IMMP2L: variants seen among roughly 807,000 people sequenced by gnomAD.
IMMP2L encodes inner mitochondrial membrane peptidase subunit 2.
A neutral mutation model predicts 19.3 loss-of-function variants in IMMP2L; 18 were observed. The ratio of observed to expected loss-of-function variants is 0.93; its 90% CI spans 0.64 to 1.38. The LOEUF is 1.38. Ranked by LOEUF, IMMP2L falls within the 40% of genes most tolerant of loss-of-function variation. The probability of loss-of-function intolerance (pLI) is 0.00; values close to 1 mark genes in which losing one functional copy is unlikely to be tolerated. For missense variants in IMMP2L, 233 were observed against 218.2 expected, an observed-to-expected ratio of 1.07 and a Z score of -0.43; for synonymous variants, 76 against 73.0, an observed-to-expected ratio of 1.04 and a Z score of -0.21.
intron 3 of IMMP2L, among the ~76,000 whole-genome samples, chr7:111,240,792 G>C (rs988399335): frequency 6.6e-6 from 1 of 151,812 alleles, no homozygotes; most frequent in Admixed American, 6.6e-5. Flanking sequence ...TACTAGTCTG[G>C]TGTCAGAAAA....
At chr7:111,208,994 C>T (rs923164874) in intron 3 of IMMP2L, among the ~76,000 whole-genome samples, 1 of 152,150 alleles carries the variant, frequency 6.6e-6, no homozygotes, top group Non-Finnish European at 1.5e-5. Context: ...GTGCTGCCTC[C>T]ATGTTTATAG....
chr7:111,284,918 T>G (rs931072088), intron 3 of IMMP2L, among the ~76,000 whole-genome samples: 17 of 152,008 alleles, frequency 1.1e-4, no homozygotes, highest in African/African-American at 3.9e-4. Context: ...ACCTAGGAGC[T>G]CAAATCTAAT....
chr7:111,023,349 T>C (rs910143919), intron 3 of IMMP2L, among the ~76,000 whole-genome samples: 1 of 152,124 alleles, frequency 6.6e-6, no homozygotes, highest in Admixed American at 6.6e-5. Flanking sequence ...GGTAAACACA[T>C]AAACAAATCA....
chr7:111,374,397 A>C (rs1830504401), intron 3 of IMMP2L, among the ~76,000 whole-genome samples: 2 of 152,062 alleles, frequency 1.3e-5, no homozygotes, highest in South Asian at 4.1e-4. Flanking sequence ...AACTAAGAAA[A>C]ACCTAATAGA....
At chr7:111,348,181 T>A (rs1352689780) in intron 3 of IMMP2L, among the ~76,000 whole-genome samples, 1 of 150,606 alleles carries the variant, frequency 6.6e-6, no homozygotes, top group East Asian at 2.0e-4. Flanking sequence ...GAGATAGACC[T>A]AATGTAAATG....
At chr7:110,767,300 C>A (rs772613053) in intron 5 of IMMP2L, among the ~76,000 whole-genome samples, 5 of 152,140 alleles carry the variant, frequency 3.3e-5, no homozygotes, top group Non-Finnish European at 7.3e-5. Context: ...AGATTTCATG[C>A]ATGGGAGAAA....
At chr7:111,426,268 T>A (rs1385495131) in intron 3 of IMMP2L, among the ~76,000 whole-genome samples, 1 of 151,342 alleles carries the variant, frequency 6.6e-6, no homozygotes, top group East Asian at 1.9e-4. Context: ...TCTTACATAC[T>A]GATTTTAGAA....
chr7:111,330,855 G>T (rs1825805981), intron 3 of IMMP2L, among the ~76,000 whole-genome samples: 2 of 151,820 alleles, frequency 1.3e-5, no homozygotes, highest in South Asian at 4.1e-4. Flanking sequence ...TTAGAGAAAT[G>T]CAAATTAAAG....
chr7:110,948,618 CTT>C (rs1332612233), intron 4 of IMMP2L, among the ~76,000 whole-genome samples: 2 of 152,130 alleles, frequency 1.3e-5, no homozygotes, highest in Non-Finnish European at 2.9e-5. Flanking sequence ...ATTTAGTATT[CTT>C]TTTTGTGAGC....
chr7:111,251,792 G>C (rs1351443368), intron 3 of IMMP2L, among the ~76,000 whole-genome samples: 1 of 151,922 alleles, frequency 6.6e-6, no homozygotes, highest in African/African-American at 2.4e-5. Context: ...TGGATGCTGG[G>C]CCTAATACCT....
intron 3 of IMMP2L, among the ~76,000 whole-genome samples, chr7:111,369,288 G>A (rs1273753468): frequency 6.6e-6 from 1 of 151,890 alleles, no homozygotes; most frequent in Non-Finnish European, 1.5e-5. Flanking sequence ...GCAAAACAAT[G>A]CATCTTCTAT....
intron 2 of IMMP2L, among the ~76,000 whole-genome samples, chr7:111,511,371 C>T (rs1310967966): frequency 6.6e-6 from 1 of 152,064 alleles, no homozygotes; most frequent in African/African-American, 2.4e-5. Context: ...GGCCTGAAGA[C>T]GTGGTGGCCA....
At chr7:111,435,456 T>C (rs1837061328) in intron 3 of IMMP2L, among the ~76,000 whole-genome samples, 1 of 151,804 alleles carries the variant, frequency 6.6e-6, no homozygotes, top group African/African-American at 2.4e-5. Context: ...TTCTCACTTA[T>C]AAATGGAGGC....
chr7:110,922,805 C>T (rs1456619748), intron 4 of IMMP2L, among the ~76,000 whole-genome samples: 1 of 152,120 alleles, frequency 6.6e-6, no homozygotes, highest in Non-Finnish European at 1.5e-5. Flanking sequence ...CATGAGCAAA[C>T]TGTTTCTCGC....
At chr7:111,079,940 C>T (rs551547937) in intron 3 of IMMP2L, among the ~76,000 whole-genome samples, 60 of 152,198 alleles carry the variant, frequency 3.9e-4, no homozygotes, top group African/African-American at 1.4e-3. Context: ...CCATGTGATG[C>T]CCTCTGCCAT....
chr7:111,269,164 G>T (rs1489610655), intron 3 of IMMP2L, among the ~76,000 whole-genome samples: 1 of 152,046 alleles, frequency 6.6e-6, no homozygotes, highest in African/African-American at 2.4e-5. Flanking sequence ...GGCGATAAGA[G>T]GCTTCACTGT....
intron 3 of IMMP2L, among the ~76,000 whole-genome samples, chr7:111,290,669 A>G (rs1311298455): frequency 6.6e-6 from 1 of 152,138 alleles, no homozygotes; most frequent in African/African-American, 2.4e-5. Context: ...TATCTGTGAT[A>G]CACAGATATG....
intron 3 of IMMP2L, among the ~76,000 whole-genome samples, chr7:111,309,447 A>C (rs868643862): frequency 3.3e-5 from 5 of 152,170 alleles, no homozygotes; most frequent in Non-Finnish European, 7.4e-5. Flanking sequence ...TTGCTCCCAA[A>C]GGTCCATAAG....
chr7:110,773,706 C>A (rs888259086), intron 5 of IMMP2L, among the ~76,000 whole-genome samples: 14 of 152,048 alleles, frequency 9.2e-5, no homozygotes, highest in Non-Finnish European at 1.6e-4. Context: ...AGCAACTTGG[C>A]CATCCAAATT....
Sources: gnomAD v4.1 joint callset for allele counts (sites outside exome capture counted in the v4.1 genomes callset) on GRCh38, gnomAD v4.1.1 for gene constraint, MANE v1.5 for transcripts, NCBI Gene and HGNC (gene_info 2026-07-23, HGNC 2026-07-21) for gene names.